MTMR11: variants seen among roughly 807,000 people sequenced by gnomAD.
MTMR11 encodes myotubularin related protein 11.
MTMR11 carries 89 observed loss-of-function variants against 100.0 expected under a neutral mutation model. The observed-to-expected ratio is 0.89, with a 90% CI of 0.75 to 1.06. The LOEUF (loss-of-function observed/expected upper bound fraction) is 1.06. MTMR11 is among the 50% of genes least tolerant of loss of function. The probability of loss-of-function intolerance (pLI) is 0.00; values close to 1 mark genes in which losing one functional copy is unlikely to be tolerated. For synonymous variants in MTMR11, 336 were observed against 326.3 expected, an observed-to-expected ratio of 1.03 and a Z score of -0.32; for missense variants, 809 against 873.7, an observed-to-expected ratio of 0.93 and a Z score of 0.93.
Position 149,928,893 on chromosome 1 carries a change from G to C in MTMR11, c.*236C>G, listed in dbSNP as rs782624379. On this transcript the variant is annotated 3_prime_UTR_variant, in exon 17 of 17. Coordinates refer to ENST00000439741, the MANE Select transcript of MTMR11 (RefSeq NM_001145862.2). ...TAACATCTGGTTATCCAGAAGGGAT[G>C]GGATTGGCCTAAAAAAACCGATCAA... The C allele has an allele frequency of 1.8e-5, 29 of 1,614,008 alleles. No homozygotes were observed. The highest frequency in any genetic ancestry group is 2.5e-5 in the Non-Finnish European group (29 of 1,179,922).
intron 15 of MTMR11, 104 bp downstream of exon 15, chr1:149,930,261 G>C: frequency 8.2e-7 from 1 of 1,224,086 alleles, no homozygotes; most frequent in East Asian, 2.3e-5. Flanking sequence ...TAGTGGAGTA[G>C]CTTTCCCTAA....
rs1553766741 is a variant in MTMR11 at position 149,929,125 on chromosome 1, T to TCCTCTACCCCAGATCCC, written c.2117_*3dup. On this transcript the variant is annotated 3_prime_UTR_variant, in exon 17 of 17. Transcript: ENST00000439741. ...AAAAAAAAAAGATTAGACAGAACCC[T>TCCTCTACCCCAGATCCC]CCTCTACCCCAGATCCCCCTCTGCC... The TCCTCTACCCCAGATCCC allele has an allele frequency of 5.0e-6, 8 of 1,597,224 alleles. No homozygotes were observed. The highest frequency in any genetic ancestry group is 1.7e-6 in the Non-Finnish European group (2 of 1,170,852).
At position 149,936,633 on chromosome 1, in the gene MTMR11, G is replaced by GC. The variant is rs587606143; in HGVS notation, c.14dup (p.Arg6ProfsTer23). The GC allele has an allele frequency of 6.1e-3, 9,382 of 1,541,736 alleles. 106 individuals carry two copies. Among genetic ancestry groups the GC allele is most frequent in the Non-Finnish European group, 5.0e-3 (5,739 of 1,138,766 alleles). On this transcript the variant is annotated frameshift_variant, in exon 1 of 17. Coordinates refer to ENST00000439741, the MANE Select transcript of MTMR11 (RefSeq NM_001145862.2). LOFTEE classifies it high-confidence loss of function. ...GGGCAATGTTGAAACTCTGGCCCCG[G>GC]CCCCCCCACCACATTTCTCTGGCTC...
At chr1:149,931,236 G>A (rs375222367) in intron 13 of MTMR11, 24 bp downstream of exon 13, 508 of 1,613,076 alleles carry the variant, frequency 3.1e-4, no homozygotes, top group Non-Finnish European at 4.1e-4. Flanking sequence ...ATATGCCCCC[G>A]ATGCCATCCC....
At position 149,935,288 on chromosome 1, in the gene MTMR11, C is replaced by T. The variant is rs782480152; in HGVS notation, c.325+11G>A. ...CAGTGAACCCCTTCACCAAACCCCC[C>T]CCCAACTTACCAGCCTCTAATCGTC... On this transcript the variant is annotated intron_variant, in intron 4 of 16. Coordinates refer to ENST00000439741, the MANE Select transcript of MTMR11 (RefSeq NM_001145862.2). The T allele has an allele frequency of 6.2e-7, 1 of 1,613,450 alleles. No homozygotes were observed. The highest frequency in any genetic ancestry group is 8.5e-7 in the Non-Finnish European group (1 of 1,179,590).
intron 2 of MTMR11, 43 bp downstream of exon 2, chr1:149,936,111 G>A: frequency 6.4e-7 from 1 of 1,574,206 alleles, no homozygotes; most frequent in Non-Finnish European, 8.7e-7. Context: ...ATTGGCGTAG[G>A]ATGAAATTTG....
intron 1 of MTMR11, 97 bp from the exon 2 acceptor site, chr1:149,936,326 G>T: frequency 6.5e-7 from 1 of 1,545,514 alleles, no homozygotes; most frequent in Non-Finnish European, 8.7e-7. Context: ...TCACACTCTC[G>T]GGGGAAACTG....
At chr1:149,934,147 G>A (rs782459169) in intron 7 of MTMR11, 44 bp downstream of exon 7, 7 of 1,612,512 alleles carry the variant, frequency 4.3e-6, no homozygotes, top group African/African-American at 4.0e-5. Flanking sequence ...GGAACTAAGG[G>A]AAGATTGGGA....
At chr1:149,933,372 A>C (rs782540652) in intron 10 of MTMR11, 34 bp downstream of exon 10, 6 of 1,611,468 alleles carry the variant, frequency 3.7e-6, no homozygotes, top group Middle Eastern at 1.6e-4. Flanking sequence ...CCTAGGGGTG[A>C]GGGTGAGGGT....
chr1:149,931,309 G>A lies in MTMR11; in HGVS notation c.1241C>T (p.Ala414Val). Residue 414 changes from alanine (A) to valine (V), a missense_variant, in exon 13 of 17, where the codon GCT (alanine) becomes GTT (valine). Coordinates refer to ENST00000439741, the MANE Select transcript of MTMR11 (RefSeq NM_001145862.2). ...AAGCCGAGTCAGGAAGGGATGTCCA[G>A]CTGCCACCCACTCTCGCTGTACTAG... ...QSLVQREWVA[A>V]GHPFLTRLGG... is the part of the protein sequence containing the mutation. 6.2e-7 allele frequency: 1 copy of A among 1,614,126 alleles called. No individual in the cohort carries two copies. Among genetic ancestry groups the A allele is most frequent in the Non-Finnish European group, 8.5e-7 (1 of 1,180,024 alleles).
Position 149,930,873 on chromosome 1 carries a change from A to T in MTMR11, c.1383T>A (p.Ala461=). 1 of 1,613,534 alleles carries T rather than the reference A, an allele frequency of 6.2e-7. No individual in the cohort carries two copies. Among genetic ancestry groups the T allele is most frequent in the African/African-American group, 1.3e-5 (1 of 74,988 alleles). The part of the protein sequence containing the change: ...DFEFSEFFLL[A]LHDSVRVPDT... Reference sequence around the variant, plus strand: ...CAGGAACCCTGACACTGTCATGAAGAGCAAGAAGGAAAAACTCAGAGAATT... The same window carrying T: ...CAGGAACCCTGACACTGTCATGAAGTGCAAGAAGGAAAAACTCAGAGAATT... The change falls in exon 14 of 17, where the codon GCT becomes GCA. Residue 461 remains alanine, a synonymous_variant. Transcript: ENST00000439741.
intron 15 of MTMR11, chr1:149,930,117 A>G: frequency 1.4e-6 from 1 of 696,300 alleles, no homozygotes; most frequent in East Asian, 2.7e-5. Context: ...ATTTTAGGGC[A>G]CCTTATGTGT....
rs1571557545 is a variant in MTMR11, at chr1:149,935,840, C to G, written c.143-135G>C. 7.0e-6 allele frequency: 8 copies of G among 1,142,586 alleles called. No homozygotes were observed. The East Asian group carries it at 1.8e-4, about 26-fold the overall frequency. The allele number at this position is 1,142,586 out of a possible 1,614,324, so 70.8% of individuals were successfully genotyped here. Reference sequence around the variant, plus strand: ...TCCCCAAAGCCCACTACAATGTAAGCTTATGAGGAAAGATAAATGTTTTTT... The same window carrying G: ...TCCCCAAAGCCCACTACAATGTAAGGTTATGAGGAAAGATAAATGTTTTTT... On this transcript the variant is annotated intron_variant, in intron 2 of 16. Coordinates refer to ENST00000439741, the MANE Select transcript of MTMR11 (RefSeq NM_001145862.2).
intron 14 of MTMR11, 64 bp from the exon 15 acceptor site, chr1:149,930,611 A>C: frequency 6.8e-7 from 1 of 1,467,830 alleles, no homozygotes; most frequent in Non-Finnish European, 9.3e-7. Context: ...GAGACAAATC[A>C]TGAGATTCTC....
In MTMR11 at chr1:149,928,909, A is replaced by C; in HGVS notation, c.*220T>G. The C allele has an allele frequency of 6.2e-7, 1 of 1,614,178 alleles. No individual in the cohort carries two copies. Among genetic ancestry groups the C allele is most frequent in the Non-Finnish European group, 8.5e-7 (1 of 1,180,022 alleles). ...AGAAGGGATGGGATTGGCCTAAAAAAACCGATCAATTTCTGGATTGTTTTT... is the reference window on the plus strand; with the variant it reads ...AGAAGGGATGGGATTGGCCTAAAAACACCGATCAATTTCTGGATTGTTTTT... On this transcript the variant is annotated 3_prime_UTR_variant, in exon 17 of 17. Coordinates refer to ENST00000439741, the MANE Select transcript of MTMR11 (RefSeq NM_001145862.2).
At chr1:149,933,355 C>G (rs868942698) in intron 10 of MTMR11, 51 bp downstream of exon 10, 2 of 1,603,776 alleles carry the variant, frequency 1.2e-6, no homozygotes, top group African/African-American at 2.7e-5. Context: ...AGGTTAGGCT[C>G]AGCAGACCTA....
intron 4 of MTMR11, 38 bp from the exon 5 acceptor site, chr1:149,935,166 C>A: frequency 6.2e-7 from 1 of 1,612,766 alleles, no homozygotes; most frequent in Admixed American, 1.7e-5. Context: ...AACCATGGAC[C>A]AGAGTCTCTC....
At position 149,932,322 on chromosome 1, in the gene MTMR11, C is replaced by T. The variant is rs782580002; in HGVS notation, c.994G>A (p.Val332Ile). The T allele has an allele frequency of 6.2e-7, 1 of 1,613,414 alleles. No homozygotes were observed. Among genetic ancestry groups the T allele is most frequent in the Non-Finnish European group, 8.5e-7 (1 of 1,179,350 alleles). The change falls in exon 11 of 17, where the codon GTA (valine) becomes ATA (isoleucine). Residue 332 changes from valine to isoleucine, a missense_variant. Physicochemically the swap from Val to Ile is conservative, Grantham distance 29. Coordinates refer to ENST00000439741, the MANE Select transcript of MTMR11 (RefSeq NM_001145862.2). ...GCTGAAAGCCATTTATCCTCAGCTA[C>T]AGATGAATCTGATAGAGGGTAGAAA... ...LRALCLPDSS[V>I]AEDKWLSALE...
intron 10 of MTMR11, among the ~76,000 whole-genome samples, chr1:149,932,798 A>G (rs1395332582): frequency 6.6e-6 from 1 of 151,822 alleles, no homozygotes; most frequent in Non-Finnish European, 1.5e-5. Context: ...TAAAAATACA[A>G]AAATTAGCCA....
Sources: gnomAD v4.1 joint callset for allele counts (sites outside exome capture counted in the v4.1 genomes callset) on GRCh38, gnomAD v4.1.1 for gene constraint, MANE v1.5 for transcripts, NCBI Gene and HGNC (gene_info 2026-07-23, HGNC 2026-07-21) for gene names.